YLPM1: variants seen among roughly 807,000 people sequenced by gnomAD.
YLPM1 encodes the protein YLP motif-containing protein 1.
A neutral mutation model predicts 230.0 loss-of-function variants in YLPM1; 99 were observed. The ratio of observed to expected loss-of-function variants is 0.43; its 90% CI spans 0.37 to 0.51. The LOEUF (loss-of-function observed/expected upper bound fraction) is 0.51, where lower values mean the gene tolerates loss of function less well. YLPM1 is among the 20% of genes least tolerant of loss of function. YLPM1 has a pLI of 0.00. For missense variants in YLPM1, 2,592 were observed against 2,707.7 expected (o/e 0.96, Z 0.95); for synonymous variants, 984 against 942.5 (o/e 1.04, Z -0.81).
In YLPM1 at chr14:74,828,068, A is replaced by C. The variant is rs973780939; in HGVS notation, c.6164-1145A>C. On this transcript the variant is annotated intron_variant, in intron 18 of 20. Coordinates refer to ENST00000325680, the MANE Select transcript of YLPM1 (RefSeq NM_019589.3). ...CAAAAAACTTTGCCAAGAATGCAAA[A>C]TCTTACTGGTTTTTAAAGCTTGTAA... 3.0e-5 allele frequency: 27 copies of C among 915,232 alleles called. No individual in the cohort carries two copies. In the African/African-American group the frequency reaches 4.3e-4, roughly 15 times the overall value. The allele number at this position is 915,232 out of a possible 1,614,324, so 56.7% of individuals were successfully genotyped here. A position where few individuals can be genotyped will look rare whatever the true frequency, so the allele number is the denominator to read the frequency against.
chr14:74,807,413 G>A (rs1430631744), intron 6 of YLPM1, among the ~76,000 whole-genome samples: 1 of 152,192 alleles, frequency 6.6e-6, no homozygotes, highest in Non-Finnish European at 1.5e-5. Flanking sequence ...TAGGCATGGT[G>A]GCTCACACCT....
intron 1 of YLPM1, among the ~76,000 whole-genome samples, chr14:74,775,017 G>A (rs1046138769): frequency 7.2e-5 from 11 of 152,162 alleles, no homozygotes; most frequent in Non-Finnish European, 4.4e-5. Context: ...CCATAAAGTC[G>A]AAAAATCATA....
chr14:74,827,980 T>C lies in YLPM1; in HGVS notation c.6164-1233T>C, dbSNP rs549338523. 45 of 985,446 alleles carry C rather than the reference T, an allele frequency of 4.6e-5. No individual in the cohort carries two copies. In the African/African-American group the frequency reaches 7.3e-4, roughly 16 times the overall value. 61.0% of individuals were successfully genotyped at this position (985,446 alleles called of 1,614,324 possible). On this transcript the variant is annotated intron_variant, in intron 18 of 20. Coordinates refer to ENST00000325680, the MANE Select transcript of YLPM1 (RefSeq NM_019589.3). ...TAAAATTTTTGTGAGTTTTATAAAC[T>C]GTTGCAGTTCGCCTTACTGATTTTT...
In YLPM1 at chr14:74,810,361, TG is replaced by T; in HGVS notation, c.5171del (p.Gly1724ValfsTer77). On this transcript the variant is annotated frameshift_variant, in exon 9 of 21. Coordinates refer to ENST00000325680, the MANE Select transcript of YLPM1 (RefSeq NM_019589.3). LOFTEE classifies it high-confidence loss of function. Reference sequence around the variant, plus strand: ...CACATAGAGATCGAGACCGGGATCGTGGTGTTATTGACTATGACCGGGATCG... The same window carrying T: ...CACATAGAGATCGAGACCGGGATCGTGTGTTATTGACTATGACCGGGATCG... ...ETHRDRDRDR[G>X]VIDYDRDRFD... 1 of 1,613,642 alleles carries T rather than the reference TG, an allele frequency of 6.2e-7. No homozygotes were observed. The highest frequency in any genetic ancestry group is 8.5e-7 in the Non-Finnish European group (1 of 1,179,828).
At chr14:74,811,358 C>G (rs1263952056) in intron 9 of YLPM1, among the ~76,000 whole-genome samples, 2 of 151,852 alleles carry the variant, frequency 1.3e-5, no homozygotes, top group Non-Finnish European at 2.9e-5. Context: ...TTATGTGCAC[C>G]TGTAGTCCCA....
intron 16 of YLPM1, among the ~76,000 whole-genome samples, chr14:74,819,593 GT>G (rs1311115436): frequency 1.3e-5 from 2 of 151,964 alleles, no homozygotes; most frequent in Non-Finnish European, 2.9e-5. Context: ...TCTTTTATGT[GT>G]TTTTAATTCC....
chr14:74,835,231 C>T (rs758817012), intron 19 of YLPM1, 34 bp from the exon 20 acceptor site: 64 of 1,607,708 alleles, frequency 4.0e-5, no homozygotes, highest in Non-Finnish European at 5.4e-5. Context: ...ATTTATTTTT[C>T]CTAAAGCTCA....
At position 74,763,580 on chromosome 14, in the gene YLPM1, T is replaced by C. The variant is rs987218983; in HGVS notation, c.91T>C (p.Ser31Pro). Residue 31 changes from serine (S) to proline (P), a missense_variant, in exon 1 of 21, where the codon TCG becomes CCG. Transcript: ENST00000325680. ...PPPPVALPEASPGPGYSSSTT... is the reference protein window; with the variant it reads ...PPPPVALPEAPPGPGYSSSTT... ...GCCGCCAGTGGCGCTTCCTGAGGCC[T>C]CGCCGGGGCCCGGGTACTCGAGCTC... The C allele has an allele frequency of 1.3e-6, 2 of 1,585,198 alleles. No individual in the cohort carries two copies. The highest frequency in any genetic ancestry group is 1.4e-5 in the African/African-American group (1 of 72,464).
Position 74,763,483 on chromosome 14 carries a change from T to A in YLPM1, c.-7T>A, listed in dbSNP as rs751966469. On this transcript the variant is annotated 5_prime_UTR_variant, in exon 1 of 21. Transcript: ENST00000325680. ...GCCAGGACGAGCCCTGCGCCTTCTT[T>A]TTCGATATGTACCCGAATTGGGGCC... is the stretch of plus-strand genomic sequence containing the variant. The A allele has an allele frequency of 4.8e-6, 7 of 1,443,880 alleles. No homozygotes were observed. Among genetic ancestry groups the A allele is most frequent in the Non-Finnish European group, 5.5e-6 (6 of 1,094,194 alleles). The allele number at this position is 1,443,880 out of a possible 1,614,324, so 89.4% of individuals were successfully genotyped here. A position where few individuals can be genotyped will look rare whatever the true frequency, so the allele number is the denominator to read the frequency against.
intron 6 of YLPM1, 65 bp from the exon 7 acceptor site, chr14:74,809,315 T>G (rs2091410363): frequency 6.7e-7 from 1 of 1,501,162 alleles, no homozygotes; most frequent in African/African-American, 1.4e-5. Flanking sequence ...CAGATTTTAA[T>G]TTCCACTGAT....
chr14:74,802,455 G>C, intron 5 of YLPM1, 101 bp from the exon 6 acceptor site: 1 of 1,400,598 alleles, frequency 7.1e-7, no homozygotes, highest in Non-Finnish European at 9.5e-7. Flanking sequence ...TTTAGGACAA[G>C]GATTTTTTAG....
At chr14:74,786,070 G>A (rs2091146618) in intron 4 of YLPM1, among the ~76,000 whole-genome samples, 1 of 151,904 alleles carries the variant, frequency 6.6e-6, no homozygotes, top group Non-Finnish European at 1.5e-5. Flanking sequence ...ACAAAATAAA[G>A]ACACACATTG....
At chr14:74,799,861 G>A (rs1194336594) in intron 5 of YLPM1, among the ~76,000 whole-genome samples, 164 bp downstream of exon 5, 1 of 152,184 alleles carries the variant, frequency 6.6e-6, no homozygotes. Context: ...GGGTTAGAAT[G>A]GGTATTTAGG....
chr14:74,766,851 T>TAAAAC (rs549132901), intron 1 of YLPM1, among the ~76,000 whole-genome samples: 5 of 150,096 alleles, frequency 3.3e-5, no homozygotes, highest in Admixed American at 1.3e-4. Context: ...AGTACCTCTA[T>TAAAAC]AAAACAAAAC....
chr14:74,772,893 CATT>C (rs2090992918), intron 1 of YLPM1, among the ~76,000 whole-genome samples: 1 of 152,080 alleles, frequency 6.6e-6, no homozygotes, highest in African/African-American at 2.4e-5. Flanking sequence ...TGAGTGATAT[CATT>C]ATTATTTATT....
chr14:74,773,315 C>G (rs2090998173), intron 1 of YLPM1, among the ~76,000 whole-genome samples: 1 of 152,080 alleles, frequency 6.6e-6, no homozygotes, highest in African/African-American at 2.4e-5. Flanking sequence ...AATTGACCTA[C>G]AAGGCATACT....
chr14:74,806,791 T>A (rs1417067471), intron 6 of YLPM1, among the ~76,000 whole-genome samples: 6 of 151,544 alleles, frequency 4.0e-5, no homozygotes, highest in African/African-American at 7.3e-5. Flanking sequence ...CACCCATTTA[T>A]CTGTTTGAGT....
intron 18 of YLPM1, 54 bp from the exon 19 acceptor site, chr14:74,829,159 C>T (rs367544415): frequency 2.7e-5 from 44 of 1,601,792 alleles, no homozygotes; most frequent in Middle Eastern, 1.7e-4. Flanking sequence ...GTGTGTGTGT[C>T]GTGTGCAAAC....
At chr14:74,802,478 T>A (rs1258722740) in intron 5 of YLPM1, 78 bp from the exon 6 acceptor site, 33 of 1,479,892 alleles carry the variant, frequency 2.2e-5, no homozygotes, top group South Asian at 8.6e-5. Context: ...CTCCTTTTTT[T>A]AATTAAATAT....
Sources: gnomAD v4.1 joint callset for allele counts (sites outside exome capture counted in the v4.1 genomes callset) on GRCh38, gnomAD v4.1.1 for gene constraint, MANE v1.5 for transcripts, NCBI Gene and HGNC (gene_info 2026-07-23, HGNC 2026-07-21) for gene names.